The following ESRRB variants were observed in gnomAD, a reference collection of about 807,000 sequenced individuals.
The protein encoded by ESRRB is estrogen related receptor beta, also known as steroid hormone receptor ERR2.
In ESRRB, 16 loss-of-function variants were observed where a neutral mutation model predicts 46.0. The ratio of observed to expected loss-of-function variants is 0.35; its 90% CI spans 0.24 to 0.53. The LOEUF (loss-of-function observed/expected upper bound fraction) is 0.53, where lower values mean the gene tolerates loss of function less well. Among genes scored for constraint, ESRRB ranks in the 20% least tolerant of loss-of-function variants. The probability of loss-of-function intolerance (pLI) is 0.93; values close to 1 mark genes in which losing one functional copy is unlikely to be tolerated. For synonymous variants in ESRRB, 246 were observed against 259.6 expected (o/e 0.95, Z 0.50); for missense variants, 488 against 607.4 (o/e 0.80, Z 2.07).
At chr14:76,466,336 T>C (rs1889109366) in intron 3 of ESRRB, among the ~76,000 whole-genome samples, 1 of 152,014 alleles carries the variant, frequency 6.6e-6, no homozygotes, top group African/African-American at 2.4e-5. Context: ...CTTTCTTAGG[T>C]AAAATAATCA....
At chr14:76,489,309 C>T (rs1433837170) in intron 5 of ESRRB, among the ~76,000 whole-genome samples, 1 of 152,030 alleles carries the variant, frequency 6.6e-6, no homozygotes, top group Non-Finnish European at 1.5e-5. Context: ...ATTAATGTTG[C>T]CCAAGGCCTC....
At chr14:76,468,534 G>A (rs531362947) in intron 3 of ESRRB, among the ~76,000 whole-genome samples, 40 of 152,056 alleles carry the variant, frequency 2.6e-4, no homozygotes, top group Non-Finnish European at 4.7e-4. Flanking sequence ...GAATGAAGAC[G>A]AAGGAGATGA....
rs766999412 is a variant in ESRRB at position 76,439,399 on chromosome 14, A to G, written c.109A>G (p.Ile37Val). The change falls in exon 2 of 7, where the codon ATC becomes GTC. Residue 37 changes from isoleucine to valine, a missense_variant. Ile to Val is a conservative substitution (Grantham distance 29). Transcript: ENST00000644823. ...CCTGGGCTCCAGCTGCGGCTCCTTCATCAAGACTGAGCCGTCCAGCCCGTC... is the reference window on the plus strand; with the variant it reads ...CCTGGGCTCCAGCTGCGGCTCCTTCGTCAAGACTGAGCCGTCCAGCCCGTC... ...RHLGSSCGSF[I>V]KTEPSSPSSG... 1.2e-6 allele frequency: 2 copies of G among 1,613,600 alleles called. No individual in the cohort carries two copies. The highest frequency in any genetic ancestry group is 4.5e-5 in the East Asian group (2 of 44,860).
intron 2 of ESRRB, among the ~76,000 whole-genome samples, chr14:76,462,188 A>G (rs867052781): frequency 6.8e-6 from 1 of 146,768 alleles, no homozygotes; most frequent in Non-Finnish European, 1.5e-5. Context: ...TGGTGGTGGT[A>G]GTGGTGGTCT....
At chr14:76,447,862 C>T (rs981020265) in intron 2 of ESRRB, among the ~76,000 whole-genome samples, 2 of 152,152 alleles carry the variant, frequency 1.3e-5, no homozygotes, top group African/African-American at 2.4e-5. Flanking sequence ...TACCTGTTCT[C>T]CCTGCTGCCA....
intron 1 of ESRRB, among the ~76,000 whole-genome samples, chr14:76,332,736 T>TTA (rs1245888376): frequency 6.5e-5 from 1 of 15,356 alleles, no homozygotes; most frequent in Non-Finnish European, 1.0e-4. Context: ...TATTTATATA[T>TTA]TATATATTTA....
intron 2 of ESRRB, among the ~76,000 whole-genome samples, chr14:76,451,789 A>ATTTTTTTTTTTTTTTTTTTT (rs111716273): frequency 1.6e-5 from 2 of 122,764 alleles, no homozygotes; most frequent in Non-Finnish European, 3.4e-5. Context: ...TGCCCAGCTA[A>ATTTTTTTTTTTTTTTTTTTT]TTTTTTTTTT....
At chr14:76,407,571 T>C in intron 1 of ESRRB, 2 of 985,814 alleles carry the variant, frequency 2.0e-6, no homozygotes, top group South Asian at 9.4e-5. Flanking sequence ...ATTTGGGAGC[T>C]GCAGGTCACA....
chr14:76,439,579 T>C lies in ESRRB; in HGVS notation c.289T>C (p.Tyr97His), dbSNP rs1269396908. 1 of 1,614,156 alleles carries C rather than the reference T, an allele frequency of 6.2e-7. No homozygotes were observed. The highest frequency in any genetic ancestry group is 2.2e-5 in the East Asian group (1 of 44,878). ...GLGGTPCRKS[Y>H]EDCASGIMED... The stretch of plus-strand genomic sequence containing the variant: ...GGGAGGCACCCCATGCCGCAAGAGC[T>C]ACGAGGACTGTGCCAGCGGCATCAT... Residue 97 changes from tyrosine (Y) to histidine (H), a missense_variant, in exon 2 of 7, where the codon TAC (tyrosine) becomes CAC (histidine). Physicochemically the swap from Tyr to His is moderately conservative, Grantham distance 83. Coordinates refer to ENST00000644823, the MANE Select transcript of ESRRB (RefSeq NM_001379180.1).
chr14:76,484,554 T>C (rs1280988274), intron 5 of ESRRB, among the ~76,000 whole-genome samples: 1 of 152,070 alleles, frequency 6.6e-6, no homozygotes, highest in Non-Finnish European at 1.5e-5. Flanking sequence ...ATCCTAGCAA[T>C]GGCTCACGAG....
intron 1 of ESRRB, among the ~76,000 whole-genome samples, chr14:76,358,925 G>C (rs557755252): frequency 3.4e-4 from 51 of 152,232 alleles, no homozygotes; most frequent in African/African-American, 1.2e-3. Context: ...ACAGATTGCT[G>C]GTCCCCACCC....
rs1566853016 is a variant in ESRRB at position 76,332,554 on chromosome 14, AATATATATTT to A, written c.2+21645_2+21654del. Among the ~76,000 whole-genome samples, 26 of 63,066 alleles carry A rather than the reference AATATATATTT, an allele frequency of 4.1e-4. 1 individual carries two copies. The highest frequency in any genetic ancestry group is 4.8e-4 in the South Asian group (1 of 2,076). 41.4% of individuals were successfully genotyped at this position (63,066 alleles called of 152,430 possible). On this transcript the variant is annotated intron_variant, in intron 1 of 6. Transcript: ENST00000512784. ...TATACAATATAATATATATTTATAT[AATATATATTT>A]ATATATTTATATATTATATATTTAT...
intron 1 of ESRRB, among the ~76,000 whole-genome samples, chr14:76,396,775 T>TCCGGAGGCTCAACTC (rs1487311993): frequency 6.6e-6 from 1 of 152,086 alleles, no homozygotes. Context: ...AGGCTCAACT[T>TCCGGAGGCTCAACTC]CCGGAGGCTC....
intron 1 of ESRRB, among the ~76,000 whole-genome samples, chr14:76,330,265 G>A (rs1167583760): frequency 6.6e-6 from 1 of 152,168 alleles, no homozygotes; most frequent in Non-Finnish European, 1.5e-5. Context: ...GTGGGATGGG[G>A]TCCCGGGAGC....
At chr14:76,318,264 A>AT (rs1883825744) in intron 1 of ESRRB, among the ~76,000 whole-genome samples, 1 of 152,150 alleles carries the variant, frequency 6.6e-6, no homozygotes, top group Non-Finnish European at 1.5e-5. Context: ...AGCGAGGAGC[A>AT]CAGTTGAGGT....
At chr14:76,355,266 A>G (rs936735207) in intron 1 of ESRRB, among the ~76,000 whole-genome samples, 2 of 152,186 alleles carry the variant, frequency 1.3e-5, no homozygotes, top group East Asian at 1.9e-4. Context: ...GCTGCTCTAT[A>G]GGGCAGCTTG....
intron 3 of ESRRB, among the ~76,000 whole-genome samples, chr14:76,468,422 C>T (rs1030964424): frequency 2.4e-5 from 3 of 127,452 alleles, no homozygotes; most frequent in Admixed American, 8.9e-5. Flanking sequence ...CCCCCAAACA[C>T]GCACACACAC....
chr14:76,399,591 AG>A (rs1164165092), intron 1 of ESRRB, among the ~76,000 whole-genome samples: 4 of 152,224 alleles, frequency 2.6e-5, no homozygotes, highest in Non-Finnish European at 5.9e-5. Context: ...TTTGGAGGCA[AG>A]TCTAGGGAAT....
intron 6 of ESRRB, 145 bp downstream of exon 6, chr14:76,491,861 G>C (rs973732136): frequency 9.8e-7 from 1 of 1,025,620 alleles, no homozygotes; most frequent in African/African-American, 1.6e-5. Context: ...ACTGAAGATT[G>C]TCCAAGGGGT....
Sources: allele counts gnomAD v4.1 joint callset (sites outside exome capture counted in the v4.1 genomes callset), GRCh38; gene constraint gnomAD v4.1.1; transcripts MANE v1.5; gene names NCBI Gene and HGNC (gene_info 2026-07-23, HGNC 2026-07-21).